The following SLC9B2 variants were observed in gnomAD, a reference collection of about 807,000 sequenced individuals.
SLC9B2 encodes solute carrier family 9 member B2.
In SLC9B2, 39 loss-of-function variants were observed where a neutral mutation model predicts 52.2. The ratio of observed to expected loss-of-function variants is 0.75; its 90% CI spans 0.58 to 0.98. SLC9B2 has a LOEUF of 0.98. Among genes scored for constraint, SLC9B2 ranks in the 50% least tolerant of loss-of-function variants. SLC9B2 has a pLI of 0.00. For synonymous variants in SLC9B2, 214 were observed against 227.0 expected (o/e 0.94, Z 0.51); for missense variants, 626 against 637.5 (o/e 0.98, Z 0.19).
At chr4:103,037,126 T>C (rs1324809282) in intron 9 of SLC9B2, among the ~76,000 whole-genome samples, 9 of 152,208 alleles carry the variant, frequency 5.9e-5, no homozygotes, top group Non-Finnish European at 1.5e-5. Context: ...GAATGCACCC[T>C]GTGATGGGAT....
intron 3 of SLC9B2, among the ~76,000 whole-genome samples, chr4:103,060,761 C>T (rs1413197469): frequency 6.6e-6 from 1 of 152,054 alleles, no homozygotes; most frequent in Non-Finnish European, 1.5e-5. Context: ...TTTACTTCTA[C>T]CATGTACTTA....
chr4:103,063,586 G>A (rs1043423368), intron 3 of SLC9B2, among the ~76,000 whole-genome samples: 7 of 151,884 alleles, frequency 4.6e-5, no homozygotes, highest in African/African-American at 1.7e-4. Flanking sequence ...ATAAAATTAT[G>A]AAACTATTAG....
At chr4:103,040,906 A>G (rs1287649696) in intron 9 of SLC9B2, among the ~76,000 whole-genome samples, 2 of 152,206 alleles carry the variant, frequency 1.3e-5, no homozygotes, top group African/African-American at 4.8e-5. Flanking sequence ...CACAGTCTAA[A>G]ATCAGAAATT....
intron 9 of SLC9B2, 120 bp downstream of exon 9, chr4:103,043,176 C>G (rs1441341006): frequency 3.4e-5 from 38 of 1,116,682 alleles, no homozygotes; most frequent in Non-Finnish European, 2.5e-6. Flanking sequence ...TGTATATGCA[C>G]ATTAAGATAG....
intron 3 of SLC9B2, among the ~76,000 whole-genome samples, chr4:103,064,953 A>T (rs1030029846): frequency 2.0e-5 from 3 of 152,100 alleles, no homozygotes; most frequent in African/African-American, 7.2e-5. Context: ...TGCCAGATGC[A>T]GTGGTATACA....
At chr4:103,039,255 T>G (rs548757222) in intron 9 of SLC9B2, among the ~76,000 whole-genome samples, 1 of 152,300 alleles carries the variant, frequency 6.6e-6, no homozygotes, top group South Asian at 2.1e-4. Context: ...ATTATAAAAA[T>G]AATAAGAGTT....
At chr4:103,042,358 C>T (rs1482766677) in intron 9 of SLC9B2, 1 of 152,018 alleles carries the variant, frequency 6.6e-6, no homozygotes, top group Non-Finnish European at 1.5e-5. Flanking sequence ...GAATAGCATA[C>T]AATCCTATCA....
chr4:103,070,527 G>C (rs1258522687), intron 1 of SLC9B2, among the ~76,000 whole-genome samples: 2 of 152,150 alleles, frequency 1.3e-5, no homozygotes, highest in Non-Finnish European at 2.9e-5. Context: ...TGCAACCTCC[G>C]CCGCCTGGGT....
chr4:103,060,988 G>A lies in SLC9B2; in HGVS notation c.272-3017C>T, dbSNP rs565886867. On this transcript the variant is annotated intron_variant, in intron 3 of 11. Coordinates refer to ENST00000394785, the MANE Select transcript of SLC9B2 (RefSeq NM_178833.7). ...TACCTCAAATTTGGCATCACACTGG[G>A]TTTCAACTTTATATGGGTGAAGGAG... Among the ~76,000 whole-genome samples, 32 of 152,202 alleles carry A rather than the reference G, an allele frequency of 2.1e-4. 1 individual carries two copies. The highest frequency in any genetic ancestry group is 6.8e-3 in the Middle Eastern group (2 of 294).
rs550609041 is a variant in SLC9B2, at chr4:103,072,737, G to A, written c.-43+3447C>T. On this transcript the variant is annotated intron_variant, in intron 1 of 11. Transcript: ENST00000394785. ...AGACTTTTTATTCTTGCTATTTGCT[G>A]CCTGTGATTTGGATAGGCTGACATT... Among the ~76,000 whole-genome samples the A allele has an allele frequency of 1.8e-4, 27 of 152,084 alleles. 1 individual carries two copies. Among genetic ancestry groups the A allele is most frequent in the Admixed American group, 6.5e-5 (1 of 15,274 alleles).
intron 4 of SLC9B2, among the ~76,000 whole-genome samples, chr4:103,054,630 A>C (rs1418299643): frequency 6.6e-6 from 1 of 152,246 alleles, no homozygotes; most frequent in Admixed American, 6.5e-5. Context: ...GGTGGGTTCC[A>C]ATTAATATTA....
chr4:103,057,049 A>G (rs1453195901), intron 4 of SLC9B2, among the ~76,000 whole-genome samples: 1 of 151,998 alleles, frequency 6.6e-6, no homozygotes, highest in Non-Finnish European at 1.5e-5. Context: ...GTTGTTACAG[A>G]TACTTCTACC....
chr4:103,061,869 T>C (rs918034195), intron 3 of SLC9B2, among the ~76,000 whole-genome samples: 7 of 152,318 alleles, frequency 4.6e-5, no homozygotes, highest in African/African-American at 1.7e-4. Flanking sequence ...TCATCTACCA[T>C]ACTGCTAGAG....
downstream of SLC9B2, among the ~76,000 whole-genome samples, chr4:103,019,381 G>C (rs1578427428): frequency 6.6e-6 from 1 of 152,206 alleles, no homozygotes; most frequent in African/African-American, 2.4e-5. Flanking sequence ...GAACAAACAA[G>C]AGAGATGTGG....
chr4:103,019,621 C>G, downstream of SLC9B2: 1 of 985,492 alleles, frequency 1.0e-6, no homozygotes, highest in Non-Finnish European at 1.2e-6. Context: ...TCGCAGCCCT[C>G]GCTGGCCCGG....
chr4:103,030,464 A>AGGTT (rs1742598176), intron 10 of SLC9B2, among the ~76,000 whole-genome samples: 2 of 151,906 alleles, frequency 1.3e-5, no homozygotes, highest in South Asian at 4.2e-4. Flanking sequence ...CCTTGGTGAG[A>AGGTT]GGCTGGCAGG....
chr4:103,076,899 T>G (rs1747236904), upstream of SLC9B2: 1 of 152,240 alleles, frequency 6.6e-6, no homozygotes, highest in Non-Finnish European at 1.5e-5. Flanking sequence ...TAGCTGTACC[T>G]CTTAGAAGTG....
chr4:103,057,607 C>T (rs1427864693), intron 4 of SLC9B2, among the ~76,000 whole-genome samples, 194 bp downstream of exon 4: 3 of 151,966 alleles, frequency 2.0e-5, no homozygotes, highest in African/African-American at 4.8e-5. Flanking sequence ...GCACACGGGC[C>T]AGGATAATTT....
At chr4:103,045,199 A>AT (rs1330055581) in intron 7 of SLC9B2, among the ~76,000 whole-genome samples, 1 of 152,118 alleles carries the variant, frequency 6.6e-6, no homozygotes, top group Non-Finnish European at 1.5e-5. Flanking sequence ...ATTAAAAAAA[A>AT]TTTTTTGTTA....
Sources: allele counts gnomAD v4.1 joint callset (sites outside exome capture counted in the v4.1 genomes callset), GRCh38; gene constraint gnomAD v4.1.1; transcripts MANE v1.5; gene names NCBI Gene and HGNC (gene_info 2026-07-23, HGNC 2026-07-21).